C1orf87: variants seen among roughly 807,000 people sequenced by gnomAD.
C1orf87 encodes the protein uncharacterized protein C1orf87.
C1orf87 carries 58 observed loss-of-function variants against 60.5 expected under a neutral mutation model. That is an observed-to-expected ratio of 0.96 (90% confidence interval 0.78 to 1.19). C1orf87 has a LOEUF of 1.19. Among genes scored for constraint, C1orf87 ranks in the 50% most tolerant of loss-of-function variants. C1orf87 has a pLI of 0.00. For missense variants in C1orf87, 673 were observed against 638.6 expected (o/e 1.05, Z -0.58); for synonymous variants, 236 against 227.4 (o/e 1.04, Z -0.34).
chr1:60,044,247 G>T (rs1574318469), intron 3 of C1orf87, among the ~76,000 whole-genome samples: 1 of 152,140 alleles, frequency 6.6e-6, no homozygotes, highest in Non-Finnish European at 1.5e-5. Context: ...AGCCAGGATG[G>T]TCTCGAACTC....
chr1:60,043,337 A>G (rs897023959), intron 3 of C1orf87, among the ~76,000 whole-genome samples: 1 of 152,102 alleles, frequency 6.6e-6, no homozygotes, highest in Non-Finnish European at 1.5e-5. Flanking sequence ...TGCTTTTCCC[A>G]ATTACACTAG....
At chr1:60,064,755 T>G (rs1477214642) in intron 2 of C1orf87, among the ~76,000 whole-genome samples, 1 of 96,686 alleles carries the variant, frequency 1.0e-5, no homozygotes, top group East Asian at 2.6e-4. Context: ...ATTAAATATA[T>G]AAATATATAA....
chr1:59,999,375 T>G (rs566159966), intron 10 of C1orf87, among the ~76,000 whole-genome samples: 2 of 152,148 alleles, frequency 1.3e-5, no homozygotes, highest in African/African-American at 4.8e-5. Context: ...ATTCTTATAC[T>G]TTTTTTAGAG....
Position 60,039,966 on chromosome 1 carries a change from G to C in C1orf87, c.698C>G (p.Thr233Arg). 2 of 1,614,114 alleles carry C rather than the reference G, an allele frequency of 1.2e-6. No individual in the cohort carries two copies. Among genetic ancestry groups the C allele is most frequent in the South Asian group, 1.1e-5 (1 of 91,074 alleles). ...AAATCTCTGACAAAGGATTTTAACT[G>C]TTGGTAACTGTAGAGGGACTTCATG... ...LKHEVPLQLP[T>R]VKILCQRFSK... Residue 233 changes from threonine to arginine, a missense_variant, in exon 5 of 12, where the codon ACA (threonine) becomes AGA (arginine). By Grantham distance (71) the Thr-to-Arg change is moderately conservative. Transcript: ENST00000371201.
At position 59,992,224 on chromosome 1, in the gene C1orf87, C is replaced by CTATTTATTTATT. The variant is rs71582609; in HGVS notation, c.1481-1403_1481-1392dup. 8.4e-5 allele frequency among the ~76,000 whole-genome samples: 12 copies of CTATTTATTTATT among 143,550 alleles called. 1 individual carries two copies. Among genetic ancestry groups the CTATTTATTTATT allele is most frequent in the South Asian group, 6.9e-4 (3 of 4,372 alleles). 94.2% of individuals were successfully genotyped at this position (143,550 alleles called of 152,430 possible). A position where few individuals can be genotyped will look rare whatever the true frequency, so the allele number is the denominator to read the frequency against. ...AAAAGAGATTGCTTCAAGTAGGGGT[C>CTATTTATTTATT]TATTTATTTATTTATTTATTTATTT... On this transcript the variant is annotated intron_variant, in intron 11 of 11. Transcript: ENST00000371201.
At chr1:60,016,436 G>A (rs1645125135) in intron 8 of C1orf87, among the ~76,000 whole-genome samples, 1 of 152,114 alleles carries the variant, frequency 6.6e-6, no homozygotes, top group South Asian at 2.1e-4. Flanking sequence ...GTTTTTCTAT[G>A]CTTTAACCTT....
intron 11 of C1orf87, among the ~76,000 whole-genome samples, chr1:59,991,698 G>A (rs1574288382): frequency 3.3e-5 from 5 of 152,302 alleles, no homozygotes; most frequent in African/African-American, 2.4e-5. Context: ...TTGAATCTGC[G>A]TAATAGAGGT....
At chr1:60,041,816 A>T (rs1645326975) in intron 3 of C1orf87, among the ~76,000 whole-genome samples, 1 of 152,162 alleles carries the variant, frequency 6.6e-6, no homozygotes. Flanking sequence ...ACCAGTCCTG[A>T]GTTCAAACCC....
chr1:60,029,840 C>T (rs1213912839), intron 7 of C1orf87, among the ~76,000 whole-genome samples: 1 of 151,840 alleles, frequency 6.6e-6, no homozygotes, highest in Non-Finnish European at 1.5e-5. Context: ...AGGGTTTCAC[C>T]ATGTTGGCCA....
intron 11 of C1orf87, among the ~76,000 whole-genome samples, chr1:59,995,384 T>C (rs12410417): frequency 0.04 from 6,142 of 152,288 alleles, 180 homozygotes; most frequent in Middle Eastern, 0.058. Context: ...TCAGCTTTCA[T>C]TATGCCTTCC....
At chr1:60,043,089 A>G (rs990820356) in intron 3 of C1orf87, among the ~76,000 whole-genome samples, 4 of 152,230 alleles carry the variant, frequency 2.6e-5, no homozygotes, top group Non-Finnish European at 4.4e-5. Context: ...TCAAAGGTGC[A>G]TGCATGCATG....
chr1:60,013,282 G>C (rs1021905370), intron 8 of C1orf87, among the ~76,000 whole-genome samples: 2 of 151,826 alleles, frequency 1.3e-5, no homozygotes, highest in African/African-American at 4.8e-5. Flanking sequence ...TCTCTATTCT[G>C]ATTCTTTCAT....
chr1:60,073,519 C>T (rs938238239), intron 1 of C1orf87, among the ~76,000 whole-genome samples, 171 bp downstream of exon 1: 7 of 152,220 alleles, frequency 4.6e-5, no homozygotes, highest in African/African-American at 1.7e-4. Flanking sequence ...TCCCAAAAGT[C>T]CAATACTAAA....
At chr1:59,996,499 C>G (rs1243237347) in intron 11 of C1orf87, among the ~76,000 whole-genome samples, 5 of 152,178 alleles carry the variant, frequency 3.3e-5, no homozygotes, top group Admixed American at 6.5e-5. Context: ...GAATTGACTC[C>G]AAATTCCTTG....
intron 9 of C1orf87, 93 bp from the exon 10 acceptor site, chr1:60,001,249 CA>C: frequency 2.0e-5 from 17 of 855,812 alleles, no homozygotes; most frequent in South Asian, 2.2e-5. Flanking sequence ...ACAGCAACAA[CA>C]AAAAAATGGA....
chr1:60,073,610 G>C (rs112119965), intron 1 of C1orf87, 80 bp downstream of exon 1: 1 of 152,646 alleles, frequency 6.6e-6, no homozygotes, highest in Admixed American at 6.5e-5. Flanking sequence ...CCCGGAACTC[G>C]TGATCCTCAA....
intron 7 of C1orf87, among the ~76,000 whole-genome samples, chr1:60,031,636 T>A (rs1645238432): frequency 6.6e-6 from 1 of 152,194 alleles, no homozygotes; most frequent in Non-Finnish European, 1.5e-5. Flanking sequence ...GCTAAATGCC[T>A]TCACATATTT....
chr1:60,037,950 G>A (rs1355481926), intron 6 of C1orf87, 42 bp downstream of exon 6: 9 of 1,360,244 alleles, frequency 6.6e-6, no homozygotes, highest in Non-Finnish European at 8.3e-6. Flanking sequence ...CACAGACTAA[G>A]ACACCTAGGA....
At chr1:60,012,041 A>T (rs1282252528) in intron 8 of C1orf87, among the ~76,000 whole-genome samples, 1 of 152,060 alleles carries the variant, frequency 6.6e-6, no homozygotes, top group African/African-American at 2.4e-5. Flanking sequence ...ATAATTATAT[A>T]AAGATCTGAT....
Sources: allele counts gnomAD v4.1 joint callset (sites outside exome capture counted in the v4.1 genomes callset), GRCh38; gene constraint gnomAD v4.1.1; transcripts MANE v1.5; gene names NCBI Gene and HGNC (gene_info 2026-07-23, HGNC 2026-07-21).